SEC14L3: variants seen among roughly 807,000 people sequenced by gnomAD.
The protein encoded by SEC14L3 is SEC14-like protein 3.
SEC14L3 carries 56 observed loss-of-function variants against 57.4 expected under a neutral mutation model. The ratio of observed to expected loss-of-function variants is 0.97; its 90% CI spans 0.79 to 1.22. The LOEUF (loss-of-function observed/expected upper bound fraction) is 1.22. Among genes scored for constraint, SEC14L3 ranks in the 50% most tolerant of loss-of-function variants. SEC14L3 has a pLI of 0.00. For missense variants in SEC14L3, 485 were observed against 511.7 expected (o/e 0.95, Z 0.50); for synonymous variants, 173 against 194.4 (o/e 0.89, Z 0.92).
At position 30,460,076 on chromosome 22, in the gene SEC14L3, A is replaced by C. The variant is rs1556007356; in HGVS notation, c.1148T>G (p.Val383Gly). The C allele has an allele frequency of 1.2e-6, 2 of 1,614,072 alleles. No individual in the cohort carries two copies. Among genetic ancestry groups the C allele is most frequent in the South Asian group, 1.1e-5 (1 of 91,076 alleles). Residue 383 changes from valine to glycine, a missense_variant, in exon 12 of 12, where the codon GTC becomes GGC. By Grantham distance (109) the Val-to-Gly change is moderately radical (BLOSUM62 -3). Coordinates refer to ENST00000215812, the MANE Select transcript of SEC14L3 (RefSeq NM_174975.5). ...CTGCATGCCCTCGTCAGGGAGCAGG[A>C]CCTCCACTGTGAAGCTGACCTTCTT... is the stretch of plus-strand genomic sequence containing the variant. ...HAKKVSFTVE[V>G]LLPDEGMQKY...
chr22:30,455,114 A>ATATATATTATAT (rs2146090259), downstream of SEC14L3, among the ~76,000 whole-genome samples: 1 of 64,100 alleles, frequency 1.6e-5, no homozygotes, highest in East Asian at 5.2e-4. Context: ...TTAATATTTA[A>ATATATATTATAT]TATTTAATAT....
Position 30,470,079 on chromosome 22 carries a change from C to T in SEC14L3, c.175-1G>A. 6.2e-7 allele frequency: 1 copy of T among 1,602,900 alleles called. No homozygotes were observed. Among genetic ancestry groups the T allele is most frequent in the Non-Finnish European group, 8.5e-7 (1 of 1,173,712 alleles). On this transcript the variant is annotated splice_acceptor_variant, in intron 3 of 11. Coordinates refer to ENST00000215812, the MANE Select transcript of SEC14L3 (RefSeq NM_174975.5). LOFTEE classifies it high-confidence loss of function. ...CCATGGTCTTCCGGAACTCCATGTA[C>T]TGAAAGGGAAATGAGTGGTAAGATC...
chr22:30,452,837 C>T (rs1273123289), intron 12 of SEC14L3, among the ~76,000 whole-genome samples: 1 of 151,946 alleles, frequency 6.6e-6, no homozygotes, highest in Non-Finnish European at 1.5e-5. Context: ...CTTCAGCCTC[C>T]TGAGTAGCTG....
chr22:30,448,922 T>G, exon 13 of SEC14L3: 1 of 628,830 alleles, frequency 1.6e-6, no homozygotes, highest in East Asian at 2.8e-5. Context: ...CTCCAAAACT[T>G]CTTTCCCTTC....
rs1285907473 is a variant in SEC14L3, at chr22:30,470,019, C to T, written c.234G>A (p.Glu78=). ...GAGGTGTTTGGCGGTGTTGGCTCACCTCTGGGGGCTGCCAATCAAGGATAT... is the reference window on the plus strand; with the variant it reads ...GAGGTGTTTGGCGGTGTTGGCTCACTTCTGGGGGCTGCCAATCAAGGATAT... The part of the protein sequence containing the change: ...IDHILDWQPP[E]VIQKYMPGGL... The change falls in exon 4 of 12, where the codon GAG becomes GAA. Residue 78 remains glutamate, a splice_region_variant and synonymous_variant. Transcript: ENST00000215812. 4 of 1,564,684 alleles carry T rather than the reference C, an allele frequency of 2.6e-6. No individual in the cohort carries two copies. In the South Asian group the frequency reaches 3.7e-5, roughly 14 times the overall value.
At chr22:30,454,616 A>G (rs1465443208), downstream of SEC14L3, among the ~76,000 whole-genome samples, 1 of 67,588 alleles carries the variant, frequency 1.5e-5, no homozygotes, top group Non-Finnish European at 2.7e-5. Flanking sequence ...ATATTATTAG[A>G]TATAATCTAT....
chr22:30,458,779 T>TG (rs76421616), downstream of SEC14L3, among the ~76,000 whole-genome samples: 74 of 152,088 alleles, frequency 4.9e-4, 1 homozygote, highest in East Asian at 9.9e-3. Flanking sequence ...GGGAGGCTGA[T>TG]GGGGGGTAAA....
chr22:30,469,214 G>A (rs540441904), intron 4 of SEC14L3, among the ~76,000 whole-genome samples: 2 of 152,196 alleles, frequency 1.3e-5, no homozygotes, highest in African/African-American at 4.8e-5. Context: ...GGGAGGCTGA[G>A]GTGGGAGAAT....
chr22:30,459,889 G>A lies in SEC14L3; in HGVS notation c.*132C>T. The A allele has an allele frequency of 2.1e-6, 3 of 1,428,136 alleles. No individual in the cohort carries two copies. Among genetic ancestry groups the A allele is most frequent in the East Asian group, 2.5e-5 (1 of 39,686 alleles). The allele number at this position is 1,428,136 out of a possible 1,614,324, so 88.5% of individuals were successfully genotyped here. A position where few individuals can be genotyped will look rare whatever the true frequency, so the allele number is the denominator to read the frequency against. On this transcript the variant is annotated 3_prime_UTR_variant, in exon 12 of 12. Transcript: ENST00000215812. ...ACCACAGTAGATGAGTTTTCCCCAG[G>A]GCATCTCTTTCTGTACTCACTAACG...
chr22:30,468,791 T>C, intron 4 of SEC14L3, 95 bp from the exon 5 acceptor site: 1 of 1,609,118 alleles, frequency 6.2e-7, no homozygotes, highest in Admixed American at 1.7e-5. Flanking sequence ...ACACACACCA[T>C]GGTATAAAAA....
At chr22:30,456,434 C>T (rs999692880), downstream of SEC14L3, among the ~76,000 whole-genome samples, 5 of 152,034 alleles carry the variant, frequency 3.3e-5, no homozygotes, top group African/African-American at 4.8e-5. Context: ...GGCATCTGCT[C>T]AGCTTCTGGT....
intron 1 of SEC14L3, chr22:30,471,205 A>G: frequency 2.3e-6 from 1 of 426,084 alleles, no homozygotes; most frequent in African/African-American, 2.1e-5. Context: ...GAATTGCTTG[A>G]ACCTGGGAGA....
rs752312561 is a variant in SEC14L3, at chr22:30,461,486, G to C, written c.912-7C>G. The stretch of plus-strand genomic sequence containing the variant: ...ATCAGATGAGAACTGCCACCTGTCA[G>C]GGGGAGGGGGAGGAGACAGGTTGCT... On this transcript the variant is annotated splice_region_variant and splice_polypyrimidine_tract_variant and intron_variant, in intron 10 of 11. Transcript: ENST00000215812. 7 of 1,610,852 alleles carry C rather than the reference G, an allele frequency of 4.3e-6. No individual in the cohort carries two copies. The East Asian group carries it at 1.6e-4, about 36-fold the overall frequency.
chr22:30,448,119 G>C (rs1228337501), exon 13 of SEC14L3: 2 of 152,082 alleles, frequency 1.3e-5, no homozygotes, highest in Non-Finnish European at 2.9e-5. Context: ...CTGTGCACCT[G>C]GTAAGGCCGC....
downstream of SEC14L3, among the ~76,000 whole-genome samples, chr22:30,454,612 TTAG>T (rs1403075514): frequency 1.2e-5 from 1 of 82,462 alleles, no homozygotes; most frequent in African/African-American, 5.0e-5. Context: ...TATAATATTA[TTAG>T]ATATAATCTA....
Position 30,470,536 on chromosome 22 carries a change from T to A in SEC14L3, c.101A>T (p.Asp34Val), listed in dbSNP as rs747589223. Residue 34 changes from aspartate to valine, a missense_variant, in exon 2 of 12, where the codon GAT becomes GTT. Asp to Val is a radical substitution (Grantham distance 152). Transcript: ENST00000215812. ...GAGCCAGCGTAGAAGGAAATAATCA[T>A]CAGGGTTGGGCAGGGCAGGAAGCAC... ...QDVLPALPNP[D>V]DYFLLRWLRA... The A allele has an allele frequency of 2.5e-6, 4 of 1,614,022 alleles. No individual in the cohort carries two copies. Among genetic ancestry groups the A allele is most frequent in the Admixed American group, 3.3e-5 (2 of 59,996 alleles).
At position 30,461,570 on chromosome 22, in the gene SEC14L3, G is replaced by A. The variant is rs1601817448; in HGVS notation, c.896C>T (p.Pro299Leu). The change falls in exon 10 of 12, where the codon CCA (proline) becomes CTA (leucine). Residue 299 changes from proline to leucine, a missense_variant. Coordinates refer to ENST00000215812, the MANE Select transcript of SEC14L3 (RefSeq NM_174975.5). ...SHQVEYEILF[P>L]GCVLRWQFSS... ...CTGCCCCTACCTGAGAACGCAGCCT[G>A]GAAATAGGATCTCGTATTCCACTTG... 6.2e-7 allele frequency: 1 copy of A among 1,613,994 alleles called. No individual in the cohort carries two copies. Among genetic ancestry groups the A allele is most frequent in the Admixed American group, 1.7e-5 (1 of 59,982 alleles).
Position 30,463,862 on chromosome 22 carries a change from G to A in SEC14L3, c.664+958C>T, listed in dbSNP as rs965092176. Among the ~76,000 whole-genome samples, 8 of 152,040 alleles carry A rather than the reference G, an allele frequency of 5.3e-5. No homozygotes were observed. The East Asian group carries it at 1.5e-3, about 29-fold the overall frequency. ...CAGTTTAGAAATCATAGACAATACA[G>A]GTAATAAAATTAAAAACCACACGAT... On this transcript the variant is annotated intron_variant, in intron 8 of 11. Coordinates refer to ENST00000215812, the MANE Select transcript of SEC14L3 (RefSeq NM_174975.5).
intron 4 of SEC14L3, among the ~76,000 whole-genome samples, chr22:30,469,689 C>A (rs961275566): frequency 4.6e-5 from 7 of 152,214 alleles, no homozygotes; most frequent in African/African-American, 1.7e-4. Flanking sequence ...GGGGCCCAAA[C>A]AGGCCTGAGC....
Sources: allele counts gnomAD v4.1 joint callset (sites outside exome capture counted in the v4.1 genomes callset), GRCh38; gene constraint gnomAD v4.1.1; transcripts MANE v1.5; gene names NCBI Gene and HGNC (gene_info 2026-07-23, HGNC 2026-07-21).